The following MACROD2 variants were observed in gnomAD, a reference collection of about 807,000 sequenced individuals.
MACROD2 encodes mono-ADP ribosylhydrolase 2.
Under a neutral mutation model 70.4 loss-of-function variants are expected in MACROD2, and 36 were observed. That is an observed-to-expected ratio of 0.51 (90% confidence interval 0.39 to 0.68). The LOEUF (loss-of-function observed/expected upper bound fraction) is 0.68. Among genes scored for constraint, MACROD2 ranks in the 30% least tolerant of loss-of-function variants. The pLI is 0.00. For synonymous variants in MACROD2, 172 were observed against 178.8 expected, an observed-to-expected ratio of 0.96 and a Z score of 0.30; for missense variants, 496 against 538.4, an observed-to-expected ratio of 0.92 and a Z score of 0.78.
At chr20:15,276,277 G>A (rs2077390674) in intron 6 of MACROD2, among the ~76,000 whole-genome samples, 1 of 152,020 alleles carries the variant, frequency 6.6e-6, no homozygotes, top group Non-Finnish European at 1.5e-5. Flanking sequence ...GCAGGCGCCT[G>A]TAGTCCCGGC....
intron 5 of MACROD2, among the ~76,000 whole-genome samples, chr20:15,132,282 G>T (rs2076112201): frequency 6.6e-6 from 1 of 152,050 alleles, no homozygotes; most frequent in East Asian, 1.9e-4. Context: ...GGTGGTAAGA[G>T]ATGTTAATTC....
chr20:15,237,588 C>G (rs1027892623), intron 6 of MACROD2, among the ~76,000 whole-genome samples: 1 of 151,886 alleles, frequency 6.6e-6, no homozygotes, highest in African/African-American at 2.4e-5. Context: ...GTTGTGTGCA[C>G]GTGCTTTCTA....
chr20:15,132,161 A>G (rs1477086597), intron 5 of MACROD2, among the ~76,000 whole-genome samples: 3 of 152,074 alleles, frequency 2.0e-5, no homozygotes, highest in African/African-American at 4.8e-5. Context: ...GCAATTCACA[A>G]TGTGACTATA....
chr20:15,290,162 T>C (rs555339800), intron 6 of MACROD2, among the ~76,000 whole-genome samples: 3 of 152,374 alleles, frequency 2.0e-5, no homozygotes, highest in Non-Finnish European at 2.9e-5. Flanking sequence ...TAAGGTGTTA[T>C]TTTAAAATAT....
chr20:15,573,990 T>A (rs2048410513), intron 8 of MACROD2, among the ~76,000 whole-genome samples: 1 of 152,148 alleles, frequency 6.6e-6, no homozygotes. Context: ...TGTGTGACAT[T>A]TCCAATAGTT....
intron 3 of MACROD2, among the ~76,000 whole-genome samples, chr20:14,336,330 A>G (rs1402473094): frequency 2.0e-5 from 3 of 152,122 alleles, no homozygotes; most frequent in African/African-American, 7.2e-5. Context: ...TGAAAAAAAA[A>G]TCAATTTTTT....
intron 5 of MACROD2, among the ~76,000 whole-genome samples, chr20:14,805,843 T>G (rs1400876127): frequency 6.6e-6 from 1 of 152,062 alleles, no homozygotes; most frequent in African/African-American, 2.4e-5. Context: ...GCTACCCAGT[T>G]CACAAAGGTA....
chr20:14,502,949 A>C (rs2084930216), intron 4 of MACROD2, among the ~76,000 whole-genome samples: 1 of 152,174 alleles, frequency 6.6e-6, no homozygotes, highest in South Asian at 2.1e-4. Flanking sequence ...CCCAGAGTAA[A>C]AAATAATTAT....
At chr20:14,528,020 A>G (rs1436583368) in intron 4 of MACROD2, among the ~76,000 whole-genome samples, 2 of 152,170 alleles carry the variant, frequency 1.3e-5, no homozygotes, top group African/African-American at 4.8e-5. Flanking sequence ...CTCAATAGCC[A>G]TCAGTATCAT....
intron 7 of MACROD2, among the ~76,000 whole-genome samples, chr20:15,450,722 A>G (rs937538046): frequency 1.3e-5 from 2 of 152,124 alleles, no homozygotes; most frequent in East Asian, 1.9e-4. Context: ...GCTTTCTCCC[A>G]CTGACTAAAA....
At chr20:14,188,117 G>C (rs966950141) in intron 3 of MACROD2, among the ~76,000 whole-genome samples, 1 of 152,090 alleles carries the variant, frequency 6.6e-6, no homozygotes, top group Non-Finnish European at 1.5e-5. Context: ...TAACCTACAG[G>C]TTAGAGTTTC....
At chr20:15,903,906 A>G (rs1020310443) in intron 10 of MACROD2, among the ~76,000 whole-genome samples, 5 of 152,222 alleles carry the variant, frequency 3.3e-5, no homozygotes, top group Admixed American at 6.5e-5. Flanking sequence ...ACTTTTGGAC[A>G]CGTTAAAGGT....
At chr20:14,033,728 GTA>G (rs1482903845) in intron 2 of MACROD2, among the ~76,000 whole-genome samples, 1 of 152,140 alleles carries the variant, frequency 6.6e-6, no homozygotes, top group Non-Finnish European at 1.5e-5. Flanking sequence ...GTATGGATGT[GTA>G]TGTGCTTCAT....
At chr20:14,625,932 C>T (rs549803224) in intron 4 of MACROD2, among the ~76,000 whole-genome samples, 6 of 152,264 alleles carry the variant, frequency 3.9e-5, no homozygotes, top group African/African-American at 1.4e-4. Flanking sequence ...AAGCGGTTCT[C>T]CTGCCTCAAC....
intron 3 of MACROD2, among the ~76,000 whole-genome samples, chr20:14,173,566 G>T (rs1209536700): frequency 1.3e-5 from 2 of 151,900 alleles, no homozygotes; most frequent in African/African-American, 4.8e-5. Context: ...ACCTTTCTCT[G>T]GTTTCCCTGA....
chr20:14,998,664 T>C (rs1305649240), intron 5 of MACROD2, among the ~76,000 whole-genome samples: 1 of 152,138 alleles, frequency 6.6e-6, no homozygotes, highest in African/African-American at 2.4e-5. Context: ...ATCTAAGAGT[T>C]ATTGGCCTTA....
rs530569558 is a variant in MACROD2 at position 14,388,259 on chromosome 20, A to G, written c.272-105220A>G. Among the ~76,000 whole-genome samples, 227 of 152,040 alleles carry G rather than the reference A, an allele frequency of 1.5e-3. 1 individual carries two copies. The highest frequency in any genetic ancestry group is 2.6e-3 in the Non-Finnish European group (175 of 67,984). On this transcript the variant is annotated intron_variant, in intron 3 of 17. Coordinates refer to ENST00000684519, the MANE Select transcript of MACROD2 (RefSeq NM_001351661.2). ...GATCTCCTGACTTCGTGATCCACCC[A>G]TCTCAGCCTCCCAAAGTGCTGGGAT...
intron 6 of MACROD2, among the ~76,000 whole-genome samples, chr20:15,292,280 A>C (rs778820040): frequency 3.9e-5 from 6 of 152,172 alleles, no homozygotes; most frequent in Non-Finnish European, 8.8e-5. Flanking sequence ...AAGCTAATTA[A>C]CTTATCTAAT....
intron 5 of MACROD2, among the ~76,000 whole-genome samples, chr20:15,144,958 T>TAAATCAGCATTTGGC (rs1298245516): frequency 5.4e-4 from 83 of 152,330 alleles, no homozygotes; most frequent in Non-Finnish European, 8.5e-4. Flanking sequence ...ACGGGCTGTA[T>TAAATCAGCATTTGGC]AAATCAGCAT....
Sources: gnomAD v4.1 joint callset for allele counts (sites outside exome capture counted in the v4.1 genomes callset) on GRCh38, gnomAD v4.1.1 for gene constraint, MANE v1.5 for transcripts, NCBI Gene and HGNC (gene_info 2026-07-23, HGNC 2026-07-21) for gene names.